The following GRM5 variants were observed in gnomAD, a reference collection of about 807,000 sequenced individuals.
The protein encoded by GRM5 is metabotropic glutamate receptor 5.
Under a neutral mutation model 83.1 loss-of-function variants are expected in GRM5, and 19 were observed. The ratio of observed to expected loss-of-function variants is 0.23; its 90% confidence interval spans 0.16 to 0.34. GRM5 has a LOEUF of 0.34. Ranked by LOEUF, GRM5 falls within the 10% of genes least tolerant of loss-of-function variation. The pLI, the probability that GRM5 is intolerant of heterozygous loss-of-function variation, is 1.00. For synonymous variants in GRM5, 675 were observed against 633.6 expected (o/e 1.07, Z -0.98); for missense variants, 1,160 against 1,588.3 (o/e 0.73, Z 4.58).
At chr11:88,641,457 T>G (rs1939291095) in intron 4 of GRM5, among the ~76,000 whole-genome samples, 1 of 151,884 alleles carries the variant, frequency 6.6e-6, no homozygotes. Flanking sequence ...TTCTCAACAG[T>G]CCCCCAAAGT....
At chr11:88,822,219 A>G (rs959191574) in intron 3 of GRM5, among the ~76,000 whole-genome samples, 1 of 152,200 alleles carries the variant, frequency 6.6e-6, no homozygotes, top group Non-Finnish European at 1.5e-5. Context: ...TTAAATGAAT[A>G]ATTTCTGTAC....
chr11:88,603,831 C>T (rs2135230220), intron 5 of GRM5, among the ~76,000 whole-genome samples: 1 of 152,240 alleles, frequency 6.6e-6, no homozygotes, highest in South Asian at 2.1e-4. Flanking sequence ...ATTCATGAAA[C>T]CTTTTGGCAG....
chr11:88,898,586 T>C (rs1290130884), intron 2 of GRM5, among the ~76,000 whole-genome samples: 1 of 151,882 alleles, frequency 6.6e-6, no homozygotes, highest in Non-Finnish European at 1.5e-5. Context: ...TCACAGGTGC[T>C]CAAATATATA....
At chr11:88,838,929 A>T (rs146812752) in intron 3 of GRM5, among the ~76,000 whole-genome samples, 243 of 150,860 alleles carry the variant, frequency 1.6e-3, no homozygotes, top group African/African-American at 5.1e-3. Context: ...TTCCTTCTCC[A>T]CTTGCCTCCA....
chr11:88,834,203 T>C (rs916414669), intron 3 of GRM5, among the ~76,000 whole-genome samples: 12 of 152,184 alleles, frequency 7.9e-5, no homozygotes, highest in African/African-American at 2.9e-4. Context: ...TTACTCATTC[T>C]GACTGTAAAA....
chr11:89,023,888 AATAAAT>A (rs1941058296), intron 2 of GRM5, among the ~76,000 whole-genome samples: 1 of 112,658 alleles, frequency 8.9e-6, no homozygotes, highest in African/African-American at 3.1e-5. Flanking sequence ...TAAATAAATA[AATAAAT>A]AAAAATAAAT....
At chr11:88,706,512 A>G (rs1941162133) in intron 3 of GRM5, among the ~76,000 whole-genome samples, 1 of 152,060 alleles carries the variant, frequency 6.6e-6, no homozygotes, top group Non-Finnish European at 1.5e-5. Flanking sequence ...CCCAATATGA[A>G]ATGTTCTTTT....
chr11:88,814,328 C>T (rs1396912234), intron 3 of GRM5, among the ~76,000 whole-genome samples: 4 of 152,126 alleles, frequency 2.6e-5, no homozygotes, highest in Non-Finnish European at 5.9e-5. Flanking sequence ...GAGAAGAGGA[C>T]TCTGACAATC....
chr11:88,566,584 A>C lies in GRM5; in HGVS notation c.2630+469T>G, dbSNP rs1329140969. Among the ~76,000 whole-genome samples, 3 of 152,044 alleles carry C rather than the reference A, an allele frequency of 2.0e-5. No homozygotes were observed. The East Asian group carries it at 5.8e-4, about 29-fold the overall frequency. ...GCCTCTATTGGATGGGCATTTAAGC[A>C]CTCTTCTGGCTTGAATAAGGTTTAG... On this transcript the variant is annotated intron_variant, in intron 8 of 9. Coordinates refer to ENST00000305447, the MANE Select transcript of GRM5 (RefSeq NM_001143831.3).
At chr11:88,621,941 TTAGGGTAGAA>T (rs1422333268) in intron 4 of GRM5, among the ~76,000 whole-genome samples, 2 of 152,146 alleles carry the variant, frequency 1.3e-5, no homozygotes, top group Non-Finnish European at 2.9e-5. Context: ...AGAGATTTGA[TTAGGGTAGAA>T]AGTAGATCTA....
intron 4 of GRM5, among the ~76,000 whole-genome samples, chr11:88,629,676 G>T (rs1350279142): frequency 1.3e-5 from 2 of 151,994 alleles, no homozygotes; most frequent in African/African-American, 4.8e-5. Context: ...AATTGCCCTT[G>T]GATACTCTGA....
At chr11:88,646,546 G>T (rs986333375) in intron 4 of GRM5, among the ~76,000 whole-genome samples, 4 of 151,550 alleles carry the variant, frequency 2.6e-5, no homozygotes, top group African/African-American at 9.7e-5. Flanking sequence ...TAAGTGACAA[G>T]CTTTATTTAT....
intron 4 of GRM5, among the ~76,000 whole-genome samples, chr11:88,637,299 C>T (rs1427976881): frequency 6.6e-6 from 1 of 151,820 alleles, no homozygotes; most frequent in Non-Finnish European, 1.5e-5. Flanking sequence ...ACAAAATTGA[C>T]AAATGGGATC....
chr11:88,673,815 C>T (rs188684390), intron 3 of GRM5, among the ~76,000 whole-genome samples: 1 of 151,004 alleles, frequency 6.6e-6, no homozygotes, highest in East Asian at 2.0e-4. Context: ...ACAAGAGAAG[C>T]GTAGAGAAAC....
At chr11:88,971,094 T>A (rs1939152585) in intron 2 of GRM5, among the ~76,000 whole-genome samples, 1 of 151,336 alleles carries the variant, frequency 6.6e-6, no homozygotes. Flanking sequence ...GGAAAACATA[T>A]TTCTCATTGT....
chr11:89,014,982 G>T (rs529514652), intron 2 of GRM5, among the ~76,000 whole-genome samples: 8 of 152,234 alleles, frequency 5.3e-5, no homozygotes, highest in Middle Eastern at 3.4e-3. Flanking sequence ...TTCATAGGGC[G>T]GCCAGAACCC....
chr11:88,816,436 G>A (rs1419525510), intron 3 of GRM5, among the ~76,000 whole-genome samples: 2 of 150,732 alleles, frequency 1.3e-5, no homozygotes, highest in Non-Finnish European at 3.0e-5. Context: ...CTACTCAGGA[G>A]GCTAAGGCAG....
At chr11:88,637,579 G>A (rs1421385001) in intron 4 of GRM5, among the ~76,000 whole-genome samples, 2 of 149,194 alleles carry the variant, frequency 1.3e-5, no homozygotes, top group East Asian at 3.9e-4. Flanking sequence ...GGCCATCAGA[G>A]AAATGCAAAT....
intron 3 of GRM5, among the ~76,000 whole-genome samples, chr11:88,722,071 AG>A (rs1227356499): frequency 6.6e-6 from 1 of 152,150 alleles, no homozygotes; most frequent in Non-Finnish European, 1.5e-5. Flanking sequence ...AGCAGTGAGA[AG>A]GAAATATCAA....
Sources: gnomAD v4.1 joint callset for allele counts (sites outside exome capture counted in the v4.1 genomes callset) on GRCh38, gnomAD v4.1.1 for gene constraint, MANE v1.5 for transcripts, NCBI Gene and HGNC (gene_info 2026-07-23, HGNC 2026-07-21) for gene names.